Variants in STPG2 observed in about 807,000 individuals in gnomAD.
STPG2 encodes the protein sperm-tail PG-rich repeat-containing protein 2.
In STPG2, 56 loss-of-function variants were observed where a neutral mutation model predicts 54.2. The observed-to-expected ratio is 1.03, with a 90% CI of 0.83 to 1.29. The LOEUF is 1.29. Ranked by LOEUF, STPG2 falls within the 50% of genes most tolerant of loss-of-function variation. The probability of loss-of-function intolerance (pLI) is 0.00; values close to 1 mark genes in which losing one functional copy is unlikely to be tolerated. For synonymous variants in STPG2, 200 were observed against 181.8 expected (o/e 1.10, Z -0.81); for missense variants, 596 against 544.9 (o/e 1.09, Z -0.93).
At chr4:97,746,213 A>G in intron 9 of STPG2, among the ~76,000 whole-genome samples, 1 of 151,270 alleles carries the variant, frequency 6.6e-6, no homozygotes. Flanking sequence ...ATTACCTTGT[A>G]TACACATAAA....
intron 4 of STPG2, among the ~76,000 whole-genome samples, chr4:97,541,948 T>C (rs1043373036): frequency 6.6e-6 from 1 of 152,182 alleles, no homozygotes; most frequent in African/African-American, 2.4e-5. Flanking sequence ...ATCCCTTCCT[T>C]ACACCTTATA....
intron 8 of STPG2, among the ~76,000 whole-genome samples, chr4:97,875,610 T>C (rs1730145993): frequency 2.0e-5 from 3 of 152,032 alleles, no homozygotes; most frequent in Admixed American, 1.3e-4. Context: ...GTTATCCTTA[T>C]ATCCCCAGTG....
At chr4:98,078,790 A>G (rs1409539409) in intron 5 of STPG2, among the ~76,000 whole-genome samples, 1 of 152,134 alleles carries the variant, frequency 6.6e-6, no homozygotes, top group Non-Finnish European at 1.5e-5. Context: ...TAAGAGAATG[A>G]TTTCCCTTTC....
At chr4:98,002,835 C>T (rs1303984860) in intron 5 of STPG2, among the ~76,000 whole-genome samples, 1 of 151,888 alleles carries the variant, frequency 6.6e-6, no homozygotes, top group Non-Finnish European at 1.5e-5. Context: ...GTAATTAGTG[C>T]ACATGAAGAT....
At chr4:97,899,674 T>G (rs1397449518) in intron 8 of STPG2, among the ~76,000 whole-genome samples, 2 of 152,076 alleles carry the variant, frequency 1.3e-5, no homozygotes, top group Non-Finnish European at 2.9e-5. Flanking sequence ...GCTGCACATC[T>G]ACAACCATCT....
chr4:97,962,317 A>G (rs919603832), intron 7 of STPG2, among the ~76,000 whole-genome samples: 5 of 152,208 alleles, frequency 3.3e-5, no homozygotes, highest in Admixed American at 2.6e-4. Flanking sequence ...GAATTTATTC[A>G]TGTGACCAAA....
chr4:98,033,496 G>T (rs766581415), intron 5 of STPG2, among the ~76,000 whole-genome samples: 15 of 152,016 alleles, frequency 9.9e-5, no homozygotes, highest in Non-Finnish European at 1.0e-4. Context: ...AGGACCAGAT[G>T]GATTCACAGC....
intron 10 of STPG2, among the ~76,000 whole-genome samples, chr4:97,609,200 G>C (rs950173536): frequency 6.6e-6 from 1 of 152,014 alleles, no homozygotes; most frequent in African/African-American, 2.4e-5. Flanking sequence ...AAGTTTAAAC[G>C]GACAGTAAAA....
intron 8 of STPG2, among the ~76,000 whole-genome samples, chr4:97,931,646 GTTTTTGGT>G (rs1560596180): frequency 4.6e-5 from 3 of 64,660 alleles, no homozygotes; most frequent in African/African-American, 6.3e-5. Flanking sequence ...AAGTTTTTTT[GTTTTTGGT>G]TTTTTTGTTT....
At chr4:97,718,289 TA>T (rs1480710430) in intron 9 of STPG2, among the ~76,000 whole-genome samples, 1 of 152,056 alleles carries the variant, frequency 6.6e-6, no homozygotes. Flanking sequence ...TCACAAACAT[TA>T]AAGAAAATCA....
intron 9 of STPG2, among the ~76,000 whole-genome samples, chr4:97,743,891 T>G (rs1725344010): frequency 6.6e-6 from 1 of 151,438 alleles, no homozygotes; most frequent in African/African-American, 2.4e-5. Context: ...CAAGTATTCA[T>G]AGGTGAAAGA....
chr4:97,752,271 C>T (rs905093392), intron 9 of STPG2, among the ~76,000 whole-genome samples: 8 of 151,604 alleles, frequency 5.3e-5, no homozygotes, highest in African/African-American at 1.7e-4. Flanking sequence ...GCTAAATATG[C>T]TTTAAAGGTA....
chr4:97,657,016 A>T (rs1236483238), intron 10 of STPG2, among the ~76,000 whole-genome samples: 2 of 152,058 alleles, frequency 1.3e-5, no homozygotes, highest in Non-Finnish European at 2.9e-5. Context: ...TTTTTCAATC[A>T]TAGTTTAAAC....
chr4:97,469,497 C>T (rs1027008824), intron 4 of STPG2, among the ~76,000 whole-genome samples: 10 of 151,820 alleles, frequency 6.6e-5, no homozygotes, highest in African/African-American at 2.4e-4. Flanking sequence ...TAGGATGTTG[C>T]CAACAGAGAA....
At chr4:97,924,557 C>T (rs981926884) in intron 8 of STPG2, among the ~76,000 whole-genome samples, 2 of 152,156 alleles carry the variant, frequency 1.3e-5, no homozygotes, top group Non-Finnish European at 2.9e-5. Context: ...TTAAAGATGA[C>T]AGCCTTCTTC....
intron 10 of STPG2, among the ~76,000 whole-genome samples, chr4:97,592,415 G>A (rs780916407): frequency 3.3e-5 from 5 of 151,946 alleles, no homozygotes; most frequent in Admixed American, 2.6e-4. Context: ...AATACATCAA[G>A]CTCAAGTAAT....
intron 8 of STPG2, among the ~76,000 whole-genome samples, chr4:97,917,831 A>G (rs1731942430): frequency 6.6e-6 from 1 of 152,150 alleles, no homozygotes; most frequent in Non-Finnish European, 1.5e-5. Flanking sequence ...TACATCCTCT[A>G]AATTTCATCT....
intron 4 of STPG2, among the ~76,000 whole-genome samples, chr4:98,108,047 A>G (rs938998932): frequency 6.6e-6 from 1 of 152,168 alleles, no homozygotes; most frequent in African/African-American, 2.4e-5. Context: ...AGTGAACAGC[A>G]TAATGGATTA....
At chr4:98,086,170 A>T (rs1738497233) in intron 5 of STPG2, among the ~76,000 whole-genome samples, 1 of 152,156 alleles carries the variant, frequency 6.6e-6, no homozygotes, top group Non-Finnish European at 1.5e-5. Flanking sequence ...AAGCTTTATC[A>T]CTATAATATA....
Sources: gnomAD v4.1 joint callset for allele counts (sites outside exome capture counted in the v4.1 genomes callset) on GRCh38, gnomAD v4.1.1 for gene constraint, MANE v1.5 for transcripts, NCBI Gene and HGNC (gene_info 2026-07-23, HGNC 2026-07-21) for gene names.